The following EZH2 variants were observed in gnomAD, a reference collection of about 807,000 sequenced individuals.
EZH2 encodes enhancer of zeste 2 polycomb repressive complex 2 subunit.
A neutral mutation model predicts 98.4 loss-of-function variants in EZH2; 18 were observed. That is an observed-to-expected ratio of 0.18 (90% CI 0.13 to 0.27). The LOEUF is 0.27. EZH2 is among the 10% of genes least tolerant of loss of function. EZH2 has a pLI of 1.00. For synonymous variants in EZH2, 338 were observed against 312.3 expected (o/e 1.08, Z -0.87); for missense variants, 470 against 935.1 (o/e 0.50, Z 6.49).
intron 4 of EZH2, among the ~76,000 whole-genome samples, chr7:148,830,158 G>C (rs1808939625): frequency 6.6e-6 from 1 of 152,162 alleles, no homozygotes; most frequent in Non-Finnish European, 1.5e-5. Flanking sequence ...AGATGCTCTA[G>C]ATTATGAGAA....
chr7:148,875,766 G>T (rs143049031), intron 1 of EZH2, among the ~76,000 whole-genome samples: 547 of 152,304 alleles, frequency 3.6e-3, no homozygotes, highest in African/African-American at 0.012. Context: ...AATGGTGATA[G>T]CAGCTTTATC....
intron 1 of EZH2, among the ~76,000 whole-genome samples, chr7:148,865,748 A>G (rs750505080): frequency 4.6e-5 from 7 of 152,312 alleles, no homozygotes; most frequent in Non-Finnish European, 7.3e-5. Context: ...TAATCCCCAA[A>G]TAAGATGCAA....
intron 5 of EZH2, 93 bp downstream of exon 5, chr7:148,829,635 T>G: frequency 7.2e-7 from 1 of 1,386,478 alleles, no homozygotes; most frequent in Non-Finnish European, 9.8e-7. Flanking sequence ...AATTTTAATA[T>G]TAAAATTTTT....
intron 15 of EZH2, among the ~76,000 whole-genome samples, chr7:148,812,121 C>CCTCT (rs1211215609): frequency 2.0e-5 from 3 of 152,128 alleles, no homozygotes; most frequent in African/African-American, 7.2e-5. Flanking sequence ...CATACCTTTC[C>CCTCT]CTCTACTTTC....
intron 9 of EZH2, 134 bp from the exon 10 acceptor site, chr7:148,818,251 G>A: frequency 1.1e-6 from 1 of 932,342 alleles, no homozygotes; most frequent in Non-Finnish European, 1.6e-6. Flanking sequence ...ATAATCATTT[G>A]CATGTCTAAT....
chr7:148,867,629 G>A (rs190615941), intron 1 of EZH2, among the ~76,000 whole-genome samples: 22 of 152,162 alleles, frequency 1.4e-4, no homozygotes, highest in African/African-American at 4.8e-4. Flanking sequence ...CCCATGTATC[G>A]TCCTCTTATG....
At chr7:148,813,893 A>C (rs938284682) in intron 15 of EZH2, 66 bp downstream of exon 15, 9 of 1,513,882 alleles carry the variant, frequency 5.9e-6, no homozygotes, top group Non-Finnish European at 8.1e-6. Flanking sequence ...ATCTAAGGCA[A>C]TCCTGACATT....
At chr7:148,839,537 G>A (rs923005756) in intron 3 of EZH2, among the ~76,000 whole-genome samples, 4 of 144,618 alleles carry the variant, frequency 2.8e-5, no homozygotes, top group Non-Finnish European at 4.6e-5. Context: ...TGGGGGGGGG[G>A]CAATCTGCAA....
In EZH2 at chr7:148,828,847, T is replaced by G. The variant is rs1466183869; in HGVS notation, c.518A>C (p.Glu173Ala). The G allele has an allele frequency of 1.9e-6, 3 of 1,612,232 alleles. No individual in the cohort carries two copies. The highest frequency in any genetic ancestry group is 2.5e-6 in the Non-Finnish European group (3 of 1,179,364). The stretch of plus-strand genomic sequence containing the variant: ...ATATTGACCAAGGGCATTCACCAAC[T>G]CCACAAAAATTTCATCATTTATAAA... The part of the protein sequence containing the change: ...CGFINDEIFV[E>A]LVNALGQYND... The change falls in exon 6 of 20, where the codon GAG becomes GCG. Residue 173 changes from glutamate (E) to alanine (A), a missense_variant. By Grantham distance (107) the Glu-to-Ala change is moderately radical. This residue lies in a region of EZH2 where 69 missense variants were observed against 78.3 expected (regional missense o/e 0.88). Transcript: ENST00000320356.
At chr7:148,818,613 T>C (rs1805204149) in intron 9 of EZH2, among the ~76,000 whole-genome samples, 1 of 152,174 alleles carries the variant, frequency 6.6e-6, no homozygotes, top group Non-Finnish European at 1.5e-5. Context: ...AACACAAACA[T>C]GCTTGACTTT....
chr7:148,869,380 C>CT (rs1818999035), intron 1 of EZH2, among the ~76,000 whole-genome samples: 1 of 123,268 alleles, frequency 8.1e-6, no homozygotes, highest in South Asian at 2.7e-4. Flanking sequence ...CAGTCTCACT[C>CT]TGTCACACAG....
At chr7:148,822,168 A>C (rs1286144395) in intron 8 of EZH2, among the ~76,000 whole-genome samples, 1 of 152,228 alleles carries the variant, frequency 6.6e-6, no homozygotes, top group Non-Finnish European at 1.5e-5. Flanking sequence ...AACGCTTTAT[A>C]ATCTTGGAAT....
intron 3 of EZH2, among the ~76,000 whole-genome samples, chr7:148,841,972 T>C (rs1201843682): frequency 1.3e-5 from 2 of 152,196 alleles, no homozygotes; most frequent in South Asian, 4.1e-4. Flanking sequence ...AGAGCAAATC[T>C]GTAAATATTT....
At chr7:148,840,442 C>A (rs1405553262) in intron 3 of EZH2, among the ~76,000 whole-genome samples, 3 of 151,972 alleles carry the variant, frequency 2.0e-5, no homozygotes, top group Non-Finnish European at 4.4e-5. Flanking sequence ...ATATTATTAA[C>A]CTCCTAGTAT....
intron 1 of EZH2, among the ~76,000 whole-genome samples, chr7:148,850,972 G>A (rs1023160558): frequency 6.6e-6 from 1 of 152,036 alleles, no homozygotes; most frequent in East Asian, 1.9e-4. Context: ...TCAAAATATC[G>A]TAACATTTTC....
At chr7:148,880,888 A>C (rs1820856582) in intron 1 of EZH2, among the ~76,000 whole-genome samples, 1 of 152,236 alleles carries the variant, frequency 6.6e-6, no homozygotes, top group Non-Finnish European at 1.5e-5. Flanking sequence ...TAGGGAAGAG[A>C]GGGATGCATA....
intron 9 of EZH2, 110 bp from the exon 10 acceptor site, chr7:148,818,227 T>A: frequency 1.8e-6 from 2 of 1,119,602 alleles, no homozygotes; most frequent in Non-Finnish European, 2.5e-6. Flanking sequence ...TATCACATTA[T>A]CCATTTATCA....
intron 1 of EZH2, among the ~76,000 whole-genome samples, chr7:148,870,325 A>T (rs1159137668): frequency 2.0e-5 from 3 of 152,216 alleles, no homozygotes; most frequent in Non-Finnish European, 1.5e-5. Context: ...TTATTAATTA[A>T]TTTTAATATA....
At chr7:148,880,364 T>C (rs968332097) in intron 1 of EZH2, among the ~76,000 whole-genome samples, 2 of 152,212 alleles carry the variant, frequency 1.3e-5, no homozygotes, top group African/African-American at 2.4e-5. Context: ...TTTACTCCAA[T>C]AAAGAACTCA....
Sources: allele counts gnomAD v4.1 joint callset (sites outside exome capture counted in the v4.1 genomes callset), GRCh38; gene constraint gnomAD v4.1.1; regional missense constraint gnomAD v4.1.1; transcripts MANE v1.5; gene names NCBI Gene and HGNC (gene_info 2026-07-23, HGNC 2026-07-21).